Variants in PPP2R3A observed in about 807,000 individuals in gnomAD.
PPP2R3A encodes the protein serine/threonine-protein phosphatase 2A regulatory subunit B'' subunit alpha.
In PPP2R3A, 80 loss-of-function variants were observed where a neutral mutation model predicts 106.9. The observed-to-expected ratio is 0.75, with a 90% CI of 0.62 to 0.90. The LOEUF (loss-of-function observed/expected upper bound fraction) is 0.90, where lower values mean the gene tolerates loss of function less well. Among genes scored for constraint, PPP2R3A ranks in the 40% least tolerant of loss-of-function variants. The pLI is 0.00. For synonymous variants in PPP2R3A, 483 were observed against 468.3 expected, an observed-to-expected ratio of 1.03 and a Z score of -0.41; for missense variants, 1,386 against 1,350.4, an observed-to-expected ratio of 1.03 and a Z score of -0.41.
intron 13 of PPP2R3A, among the ~76,000 whole-genome samples, chr3:136,119,697 A>T (rs563718623): frequency 6.6e-6 from 1 of 152,366 alleles, no homozygotes; most frequent in East Asian, 1.9e-4. Context: ...ATCATTAAAA[A>T]GTCAGGAAAC....
intron 1 of PPP2R3A, among the ~76,000 whole-genome samples, chr3:135,996,746 A>G (rs747976110): frequency 7.9e-5 from 12 of 152,178 alleles, no homozygotes; most frequent in Non-Finnish European, 1.5e-4. Flanking sequence ...TTCAGGATCT[A>G]TCCTTACTTT....
chr3:136,137,534 A>ATTTGTTTTTTTTTTTTTTTTT (rs1938669252), intron 13 of PPP2R3A, among the ~76,000 whole-genome samples: 1 of 40,526 alleles, frequency 2.5e-5, no homozygotes. Context: ...TCTGTCAGAG[A>ATTTGTTTTTTTTTTTTTTTTT]TTTTTTTTTT....
chr3:136,037,504 A>G (rs1184509003), intron 3 of PPP2R3A, among the ~76,000 whole-genome samples: 1 of 152,238 alleles, frequency 6.6e-6, no homozygotes, highest in African/African-American at 2.4e-5. Flanking sequence ...TTTCTGAACC[A>G]TACAAAGCCC....
chr3:136,136,070 A>T (rs1245602729), intron 13 of PPP2R3A, among the ~76,000 whole-genome samples: 1,519 of 26,676 alleles, frequency 0.057, 103 homozygotes, highest in East Asian at 0.093. Flanking sequence ...AAAAAAAAAA[A>T]AAATTATATA....
chr3:136,087,964 G>T, intron 9 of PPP2R3A, 33 bp downstream of exon 9: 2 of 1,549,500 alleles, frequency 1.3e-6, no homozygotes, highest in South Asian at 1.1e-5. Context: ...GTTTAAAAAT[G>T]AACTACAAGT....
intron 13 of PPP2R3A, among the ~76,000 whole-genome samples, chr3:136,122,466 A>G (rs1187204191): frequency 6.6e-6 from 1 of 152,108 alleles, no homozygotes; most frequent in African/African-American, 2.4e-5. Context: ...ATGAAAGTTT[A>G]CCCTCCTGCA....
At chr3:136,066,774 G>A (rs1310367402) in intron 5 of PPP2R3A, among the ~76,000 whole-genome samples, 1 of 152,032 alleles carries the variant, frequency 6.6e-6, no homozygotes, top group Non-Finnish European at 1.5e-5. Flanking sequence ...TCGTTCAAGA[G>A]AAATCCACCC....
chr3:136,040,726 C>T (rs1181816365), intron 3 of PPP2R3A, 133 bp from the exon 4 acceptor site: 4 of 556,556 alleles, frequency 7.2e-6, no homozygotes, highest in Non-Finnish European at 1.2e-5. Context: ...TTTTCCTATG[C>T]TCCAGTTTTG....
At chr3:136,094,695 G>T (rs1162276978) in intron 10 of PPP2R3A, among the ~76,000 whole-genome samples, 1 of 152,106 alleles carries the variant, frequency 6.6e-6, no homozygotes, top group East Asian at 1.9e-4. Context: ...TACATAACCT[G>T]AATAGTCAGA....
intron 13 of PPP2R3A, among the ~76,000 whole-genome samples, chr3:136,130,722 ACAAAG>A (rs1372735892): frequency 1.4e-4 from 21 of 152,208 alleles, no homozygotes; most frequent in Non-Finnish European, 2.8e-4. Flanking sequence ...AGCAAAAAGA[ACAAAG>A]CAGGAGGCAT....
At chr3:136,061,887 A>G (rs970514450) in intron 5 of PPP2R3A, among the ~76,000 whole-genome samples, 1 of 139,108 alleles carries the variant, frequency 7.2e-6, no homozygotes, top group Non-Finnish European at 1.5e-5. Flanking sequence ...AGATCACGCC[A>G]CTGCACTCCA....
chr3:136,001,428 T>C lies in PPP2R3A; in HGVS notation c.-71T>C, dbSNP rs1933616241. The C allele has an allele frequency of 3.9e-6, 5 of 1,268,998 alleles. No homozygotes were observed. The highest frequency in any genetic ancestry group is 4.4e-6 in the Non-Finnish European group (4 of 899,924). The allele number at this position is 1,268,998 out of a possible 1,614,324, so 78.6% of individuals were successfully genotyped here. ...TATTAAATATATTTTCAGCTAACTG[T>C]CATTTAGGAGAATTTTCATGAAACA... On this transcript the variant is annotated 5_prime_UTR_variant, in exon 2 of 14. Transcript: ENST00000264977.
At chr3:136,138,730 T>TTTTTTTA (rs1938730181) in intron 13 of PPP2R3A, among the ~76,000 whole-genome samples, 1 of 107,220 alleles carries the variant, frequency 9.3e-6, no homozygotes, top group Non-Finnish European at 1.9e-5. Context: ...TTTTTTTTTT[T>TTTTTTTA]GAGACAGTTT....
chr3:136,119,754 T>C (rs1177095474), intron 13 of PPP2R3A, among the ~76,000 whole-genome samples: 2 of 152,152 alleles, frequency 1.3e-5, no homozygotes, highest in Non-Finnish European at 2.9e-5. Context: ...TTTTACACTG[T>C]TTGTGGGAGT....
At chr3:136,097,453 T>C (rs1372651271) in intron 10 of PPP2R3A, among the ~76,000 whole-genome samples, 2 of 152,260 alleles carry the variant, frequency 1.3e-5, no homozygotes, top group African/African-American at 4.8e-5. Flanking sequence ...AAAGCAGTTA[T>C]GTGCTTTTGG....
intron 12 of PPP2R3A, among the ~76,000 whole-genome samples, chr3:136,104,436 A>C (rs977486091): frequency 4.6e-5 from 7 of 151,954 alleles, no homozygotes; most frequent in African/African-American, 1.7e-4. Flanking sequence ...TCTCCTGAGT[A>C]ACTGGGATTA....
intron 13 of PPP2R3A, among the ~76,000 whole-genome samples, chr3:136,137,971 T>C (rs965346689): frequency 5.3e-5 from 8 of 152,034 alleles, no homozygotes; most frequent in East Asian, 1.9e-4. Context: ...AGCCCAACTC[T>C]CCTCAGTGAG....
At chr3:136,004,255 G>C (rs753216506) in intron 2 of PPP2R3A, among the ~76,000 whole-genome samples, 2 of 152,146 alleles carry the variant, frequency 1.3e-5, no homozygotes, top group Non-Finnish European at 2.9e-5. Flanking sequence ...ATTTACATAC[G>C]TGTGTCGTAG....
intron 3 of PPP2R3A, among the ~76,000 whole-genome samples, chr3:136,036,063 T>A (rs1191566258): frequency 2.0e-5 from 3 of 152,136 alleles, no homozygotes; most frequent in African/African-American, 7.2e-5. Flanking sequence ...TGTCCATTGT[T>A]TCCTGAAGTT....
Sources: allele counts gnomAD v4.1 joint callset (sites outside exome capture counted in the v4.1 genomes callset), GRCh38; gene constraint gnomAD v4.1.1; transcripts MANE v1.5; gene names NCBI Gene and HGNC (gene_info 2026-07-23, HGNC 2026-07-21).